RIN2: variants seen among roughly 807,000 people sequenced by gnomAD.
RIN2 encodes RAB5 interacting protein 2.
RIN2 carries 36 observed loss-of-function variants against 78.0 expected under a neutral mutation model. The observed-to-expected ratio is 0.46, with a 90% CI of 0.35 to 0.61. The LOEUF (loss-of-function observed/expected upper bound fraction) is 0.61. Among genes scored for constraint, RIN2 ranks in the 20% least tolerant of loss-of-function variants. The pLI is 0.00. For missense variants in RIN2, 1,087 were observed against 1,159.7 expected, an observed-to-expected ratio of 0.94 and a Z score of 0.91; for synonymous variants, 466 against 466.8, an observed-to-expected ratio of 1.00 and a Z score of 0.02.
At position 19,903,566 on chromosome 20, in the gene RIN2, C is replaced by G. The variant is rs184419321; in HGVS notation, c.57+13908C>G. 1.6e-4 allele frequency among the ~76,000 whole-genome samples: 25 copies of G among 152,180 alleles called. No individual in the cohort carries two copies. The East Asian group carries it at 4.3e-3, about 26-fold the overall frequency. On this transcript the variant is annotated intron_variant, in intron 3 of 12. Transcript: ENST00000255006. The stretch of plus-strand genomic sequence containing the variant: ...GCTGGTTCCACCTTGACCACTGGTT[C>G]TCTGGAAATATTTTTGGTTGCCACC...
At chr20:19,990,521 A>T (rs1199695382) in intron 10 of RIN2, among the ~76,000 whole-genome samples, 3 of 152,156 alleles carry the variant, frequency 2.0e-5, no homozygotes, top group African/African-American at 4.8e-5. Flanking sequence ...GGGCAACAAG[A>T]TTTTTGTACC....
rs776184457 is a variant in RIN2, at chr20:19,975,221, C to T, written c.1196C>T (p.Ala399Val). Reference sequence around the variant, plus strand: ...GGCACAGCTGGCAGCCCAGGTGGGGCCCCGCCTGAGGCCGCCCCGGGGGAT... The same window carrying T: ...GGCACAGCTGGCAGCCCAGGTGGGGTCCCGCCTGAGGCCGCCCCGGGGGAT... Reference protein sequence around the residue: ...ELGTAGSPGGAPPEAAPGDCT... With the variant: ...ELGTAGSPGGVPPEAAPGDCT... The change falls in exon 9 of 13, where the codon GCC (alanine) becomes GTC (valine). Residue 399 changes from alanine to valine, a missense_variant. By Grantham distance (64) the Ala-to-Val change is moderately conservative. Coordinates refer to ENST00000255006, the MANE Select transcript of RIN2 (RefSeq NM_018993.4). The surrounding 1 kb of genome is among the most constrained non-coding windows in gnomAD (Gnocchi z 4.9). 4 of 1,588,990 alleles carry T rather than the reference C, an allele frequency of 2.5e-6. No individual in the cohort carries two copies. In the Admixed American group the frequency reaches 5.4e-5, roughly 21 times the overall value.
chr20:19,836,789 C>T (rs543630227), intron 2 of RIN2, among the ~76,000 whole-genome samples: 14 of 152,186 alleles, frequency 9.2e-5, no homozygotes, highest in African/African-American at 2.6e-4. Context: ...TTGATTTTTA[C>T]GTTTATAGGT....
At chr20:19,787,059 C>G (rs1360487078) in intron 1 of RIN2, among the ~76,000 whole-genome samples, 3 of 152,106 alleles carry the variant, frequency 2.0e-5, no homozygotes, top group African/African-American at 7.2e-5. Context: ...TCTAATGAAA[C>G]CCAACATTGG....
Position 20,001,362 on chromosome 20 carries a change from C to CTTTTTTTTTTTTTTTTTTTTT in RIN2, c.*432_*452dup, listed in dbSNP as rs57852545. On this transcript the variant is annotated 3_prime_UTR_variant, in exon 13 of 13. Coordinates refer to ENST00000255006, the MANE Select transcript of RIN2 (RefSeq NM_018993.4). The stretch of plus-strand genomic sequence containing the variant: ...CCCTGCCTTCCTTCCTTTCTTTTTC[C>CTTTTTTTTTTTTTTTTTTTTT]TTTTTTTTTTTTTTTTTTTTTTTTT... 41 of 94,234 alleles carry CTTTTTTTTTTTTTTTTTTTTT rather than the reference C, an allele frequency of 4.4e-4. 3 individuals are homozygous for CTTTTTTTTTTTTTTTTTTTTT. In the East Asian group the frequency reaches 7.4e-3, roughly 17 times the overall value. 5.8% of individuals were successfully genotyped at this position (94,234 alleles called of 1,614,324 possible). A position where few individuals can be genotyped will look rare whatever the true frequency, so the allele number is the denominator to read the frequency against.
intron 4 of RIN2, among the ~76,000 whole-genome samples, chr20:19,937,044 C>T (rs905523670): frequency 6.6e-6 from 1 of 152,190 alleles, no homozygotes; most frequent in Non-Finnish European, 1.5e-5. Flanking sequence ...TCTTTAGGGC[C>T]TGCATTTGAC....
intron 3 of RIN2, among the ~76,000 whole-genome samples, chr20:19,927,099 G>T (rs528448503): frequency 2.4e-4 from 36 of 152,320 alleles, no homozygotes; most frequent in African/African-American, 8.2e-4. Flanking sequence ...TGGACTCCGC[G>T]GACATTGTTT....
intron 2 of RIN2, among the ~76,000 whole-genome samples, chr20:19,851,699 G>A (rs1003747056): frequency 2.6e-5 from 4 of 152,106 alleles, no homozygotes; most frequent in African/African-American, 9.7e-5. Context: ...TCCAACCTGG[G>A]CAATAGAATA....
chr20:19,805,649 G>A lies in RIN2; in HGVS notation c.-37+5902G>A, dbSNP rs11906456. ...ACTCTTGATCTCAGATGATCTGCCC[G>A]CCTTAGCCTCCCAAAGTGCTGGGAT... On this transcript the variant is annotated intron_variant, in intron 2 of 12. Transcript: ENST00000255006. Among the ~76,000 whole-genome samples, 9 of 151,958 alleles carry A rather than the reference G, an allele frequency of 5.9e-5. No homozygotes were observed. In the South Asian group the frequency reaches 6.3e-4, roughly 11 times the overall value.
In RIN2 at chr20:19,961,579, G is replaced by T. The variant is rs182171980; in HGVS notation, c.463+768G>T. Among the ~76,000 whole-genome samples the T allele has an allele frequency of 7.5e-4, 110 of 146,368 alleles. 1 individual carries two copies. In the South Asian group the frequency reaches 0.023, roughly 30 times the overall value. Reference sequence around the variant, plus strand: ...AGCCTGGGATTCCCACTTGCTTCCCGATTTCCCAGCACCTCACCTCCTGCA... The same window carrying T: ...AGCCTGGGATTCCCACTTGCTTCCCTATTTCCCAGCACCTCACCTCCTGCA... On this transcript the variant is annotated intron_variant, in intron 6 of 12. Transcript: ENST00000255006.
chr20:19,807,942 T>C (rs1320626728), intron 2 of RIN2, among the ~76,000 whole-genome samples: 2 of 152,200 alleles, frequency 1.3e-5, no homozygotes, highest in Non-Finnish European at 2.9e-5. Flanking sequence ...AGTTTTATGC[T>C]TTTTGTGAGT....
Position 19,960,700 on chromosome 20 carries a change from AT to A in RIN2, c.353del (p.Ile118ThrfsTer32). 1.3e-6 allele frequency: 2 copies of A among 1,584,500 alleles called. No homozygotes were observed. On this transcript the variant is annotated frameshift_variant and splice_region_variant, in exon 6 of 13. Transcript: ENST00000255006. LOFTEE classifies it high-confidence loss of function. ...AEVLQAQPPG[I>X]FLVHKSTKMQ... is the part of the protein sequence containing the mutation. Reference sequence around the variant, plus strand: ...CTTGTATTTCTTTTCCCTCCACTAGATCTTCCTGGTTCATAAATCTACCAAG... The same window carrying A: ...CTTGTATTTCTTTTCCCTCCACTAGACTTCCTGGTTCATAAATCTACCAAG...
chr20:19,784,497 C>T (rs750527647), intron 1 of RIN2, among the ~76,000 whole-genome samples: 20 of 148,236 alleles, frequency 1.3e-4, no homozygotes, highest in Non-Finnish European at 2.4e-4. Context: ...ACATAGGGAA[C>T]TCTGAATTTC....
intron 3 of RIN2, among the ~76,000 whole-genome samples, chr20:19,934,783 T>G (rs1282565797): frequency 4.6e-5 from 7 of 152,132 alleles, no homozygotes; most frequent in Non-Finnish European, 1.0e-4. Flanking sequence ...TATATTCATG[T>G]TGAGAAAGCT....
At chr20:19,911,122 C>G (rs2039447816) in intron 3 of RIN2, among the ~76,000 whole-genome samples, 1 of 152,012 alleles carries the variant, frequency 6.6e-6, no homozygotes, top group South Asian at 2.1e-4. Context: ...GCAAACTCGA[C>G]TCACTGCAAC....
At chr20:19,974,597 G>A in intron 8 of RIN2, 57 bp from the exon 9 acceptor site, 2 of 1,527,978 alleles carry the variant, frequency 1.3e-6, no homozygotes, top group South Asian at 2.4e-5. Context: ...AATTTGTGAA[G>A]GAATGGTCTG....
At chr20:19,887,058 C>A (rs193068899) in intron 2 of RIN2, among the ~76,000 whole-genome samples, 2 of 151,580 alleles carry the variant, frequency 1.3e-5, no homozygotes, top group African/African-American at 4.8e-5. Context: ...CAGAGTGTTA[C>A]TCTGTCGCTC....
intron 3 of RIN2, among the ~76,000 whole-genome samples, chr20:19,918,280 G>C (rs2082178264): frequency 6.6e-6 from 1 of 151,962 alleles, no homozygotes; most frequent in South Asian, 2.1e-4. Flanking sequence ...AGGTCCCATA[G>C]CTTAGATGGA....
chr20:19,843,685 G>A (rs1338620846), intron 2 of RIN2, among the ~76,000 whole-genome samples: 1 of 152,042 alleles, frequency 6.6e-6, no homozygotes, highest in African/African-American at 2.4e-5. Flanking sequence ...TATTGTGGTG[G>A]TCTGGAACCA....
Sources: allele counts gnomAD v4.1 joint callset (sites outside exome capture counted in the v4.1 genomes callset), GRCh38; gene constraint gnomAD v4.1.1; non-coding constraint Gnocchi (gnomAD v3.1); transcripts MANE v1.5; gene names NCBI Gene and HGNC (gene_info 2026-07-23, HGNC 2026-07-21).